TCF12: variants seen among roughly 807,000 people sequenced by gnomAD.
The protein encoded by TCF12 is DNA-binding protein HTF4.
A neutral mutation model predicts 86.0 loss-of-function variants in TCF12; 45 were observed. The observed-to-expected ratio is 0.52, with a 90% confidence interval of 0.41 to 0.67. The LOEUF (loss-of-function observed/expected upper bound fraction) is 0.67, where lower values mean the gene tolerates loss of function less well. Among genes scored for constraint, TCF12 ranks in the 30% least tolerant of loss-of-function variants. The probability of loss-of-function intolerance (pLI) is 0.00; values close to 1 mark genes in which losing one functional copy is unlikely to be tolerated. For missense variants in TCF12, 881 were observed against 859.9 expected, an observed-to-expected ratio of 1.02 and a Z score of -0.31; for synonymous variants, 330 against 299.6, an observed-to-expected ratio of 1.10 and a Z score of -1.05.
At chr15:57,255,640 C>T (rs1031646442) in intron 16 of TCF12, among the ~76,000 whole-genome samples, 1 of 152,048 alleles carries the variant, frequency 6.6e-6, no homozygotes, top group Non-Finnish European at 1.5e-5. Flanking sequence ...CCCGCCACCA[C>T]GTCCGGCTAA....
At chr15:57,176,267 G>A (rs2055902727) in intron 6 of TCF12, among the ~76,000 whole-genome samples, 1 of 152,170 alleles carries the variant, frequency 6.6e-6, no homozygotes, top group Non-Finnish European at 1.5e-5. Flanking sequence ...CAAGTAAAAG[G>A]CTTTCCAAAT....
intron 18 of TCF12, among the ~76,000 whole-genome samples, chr15:57,272,198 T>C (rs1389480362): frequency 6.6e-6 from 1 of 152,238 alleles, no homozygotes; most frequent in Non-Finnish European, 1.5e-5. Context: ...AATCCCAATA[T>C]GTTGCTAATG....
chr15:57,194,167 G>C (rs1311433716), intron 7 of TCF12, among the ~76,000 whole-genome samples: 2 of 151,856 alleles, frequency 1.3e-5, no homozygotes, highest in Admixed American at 1.3e-4. Flanking sequence ...GAAAAATCCA[G>C]ACTTAAAATT....
chr15:57,125,851 A>G (rs1247237702), intron 5 of TCF12, among the ~76,000 whole-genome samples: 1 of 152,242 alleles, frequency 6.6e-6, no homozygotes, highest in African/African-American at 2.4e-5. Context: ...AAAACTGTAG[A>G]AAGATATTAA....
intron 3 of TCF12, among the ~76,000 whole-genome samples, chr15:57,020,002 G>T (rs922603495): frequency 1.6e-4 from 25 of 152,102 alleles, no homozygotes; most frequent in Admixed American, 1.1e-3. Flanking sequence ...CTATATCCAG[G>T]AATGAGTTAG....
At chr15:57,207,367 A>G (rs2057878037) in intron 8 of TCF12, among the ~76,000 whole-genome samples, 1 of 152,026 alleles carries the variant, frequency 6.6e-6, no homozygotes, top group South Asian at 2.1e-4. Context: ...GGCTAGTATT[A>G]ATAATAAATA....
intron 3 of TCF12, among the ~76,000 whole-genome samples, chr15:56,926,724 G>C (rs1595709093): frequency 6.6e-6 from 1 of 152,220 alleles, no homozygotes; most frequent in African/African-American, 2.4e-5. Flanking sequence ...CAGGTGTTCA[G>C]ATCCAGAAAT....
At chr15:56,920,446 G>A (rs2059734196) in intron 2 of TCF12, among the ~76,000 whole-genome samples, 1 of 151,280 alleles carries the variant, frequency 6.6e-6, no homozygotes, top group African/African-American at 2.4e-5. Flanking sequence ...AGAATTTCGA[G>A]CCTTCTGAAA....
intron 5 of TCF12, among the ~76,000 whole-genome samples, chr15:57,122,372 T>A (rs2051301981): frequency 6.6e-6 from 1 of 152,186 alleles, no homozygotes; most frequent in Non-Finnish European, 1.5e-5. Flanking sequence ...ACAATGTAAT[T>A]CTCATTATAA....
At chr15:57,189,889 A>T (rs1457385654) in intron 6 of TCF12, among the ~76,000 whole-genome samples, 2 of 152,266 alleles carry the variant, frequency 1.3e-5, no homozygotes, top group African/African-American at 4.8e-5. Context: ...TACTAAATGG[A>T]ATATTATCCT....
At chr15:57,128,356 G>T (rs1052606457) in intron 5 of TCF12, among the ~76,000 whole-genome samples, 9 of 152,110 alleles carry the variant, frequency 5.9e-5, no homozygotes, top group Non-Finnish European at 1.3e-4. Context: ...GTCCCATTTC[G>T]TTAAGAACCT....
intron 18 of TCF12, among the ~76,000 whole-genome samples, chr15:57,272,661 T>C (rs1346180461): frequency 3.9e-5 from 6 of 152,244 alleles, no homozygotes; most frequent in Admixed American, 3.9e-4. Context: ...CTCCAGTGTT[T>C]TTAACAAGCT....
intron 16 of TCF12, among the ~76,000 whole-genome samples, chr15:57,259,360 A>C (rs2060483414): frequency 6.6e-6 from 1 of 152,248 alleles, no homozygotes; most frequent in South Asian, 2.1e-4. Flanking sequence ...TTAAATCATT[A>C]GTATTCAGTG....
At chr15:57,143,961 T>A (rs1240661710) in intron 5 of TCF12, among the ~76,000 whole-genome samples, 1 of 152,092 alleles carries the variant, frequency 6.6e-6, no homozygotes, top group Non-Finnish European at 1.5e-5. Flanking sequence ...ATTGAGTTCT[T>A]TTAGGAGGCT....
At chr15:57,227,307 G>C (rs1012289141) in intron 8 of TCF12, among the ~76,000 whole-genome samples, 1 of 152,122 alleles carries the variant, frequency 6.6e-6, no homozygotes, top group African/African-American at 2.4e-5. Flanking sequence ...TTACAGGAAA[G>C]ATGTATTGAA....
At chr15:57,007,529 C>T (rs1238533488) in intron 3 of TCF12, among the ~76,000 whole-genome samples, 1 of 152,130 alleles carries the variant, frequency 6.6e-6, no homozygotes, top group Non-Finnish European at 1.5e-5. Context: ...GATCCCTCAC[C>T]CTGCCATAAA....
At chr15:57,041,800 A>T (rs1042006865) in intron 3 of TCF12, among the ~76,000 whole-genome samples, 1 of 152,212 alleles carries the variant, frequency 6.6e-6, no homozygotes, top group African/African-American at 2.4e-5. Flanking sequence ...TATAGTAGCC[A>T]CTTAGTTTGT....
intron 3 of TCF12, among the ~76,000 whole-genome samples, chr15:56,978,162 T>C (rs1255440189): frequency 6.6e-6 from 1 of 152,222 alleles, no homozygotes; most frequent in Non-Finnish European, 1.5e-5. Context: ...GCTTCAATAC[T>C]GCAATGATCA....
chr15:57,013,298 G>GTAT (rs1217307269), intron 3 of TCF12, among the ~76,000 whole-genome samples: 1 of 152,134 alleles, frequency 6.6e-6, no homozygotes, highest in African/African-American at 2.4e-5. Context: ...TGACAAGCAG[G>GTAT]TATTGCCACA....
Sources: gnomAD v4.1 joint callset for allele counts (sites outside exome capture counted in the v4.1 genomes callset) on GRCh38, gnomAD v4.1.1 for gene constraint, MANE v1.5 for transcripts, NCBI Gene and HGNC (gene_info 2026-07-23, HGNC 2026-07-21) for gene names.